The following PFKP variants were observed in gnomAD, a reference collection of about 807,000 sequenced individuals.
PFKP encodes the protein phosphofructokinase, platelet.
PFKP carries 101 observed loss-of-function variants against 94.3 expected under a neutral mutation model. The ratio of observed to expected loss-of-function variants is 1.07; its 90% confidence interval spans 0.91 to 1.26. The LOEUF is 1.26. Ranked by LOEUF, PFKP falls within the 50% of genes most tolerant of loss-of-function variation. PFKP has a pLI of 0.00. For synonymous variants in PFKP, 573 were observed against 432.6 expected (o/e 1.32, Z -4.03); for missense variants, 1,145 against 1,103.3 (o/e 1.04, Z -0.53).
intron 13 of PFKP, among the ~76,000 whole-genome samples, chr10:3,115,365 GTGTGTCCCGCAGCT>G: frequency 1.2e-5 from 1 of 85,492 alleles, no homozygotes; most frequent in Admixed American, 1.1e-4. Flanking sequence ...GAGTGAAGGT[GTGTGTCCCGCAGCT>G]GAGAACAGGA....
At chr10:3,119,781 C>CATTAAAA in intron 15 of PFKP, 111 bp from the exon 16 acceptor site, 1 of 709,478 alleles carries the variant, frequency 1.4e-6, no homozygotes, top group East Asian at 2.9e-5. Flanking sequence ...CGTGATGCCC[C>CATTAAAA]AGTGTGCTCC....
At chr10:3,105,258 A>G (rs1835420822) in intron 6 of PFKP, 99 bp downstream of exon 6, 13 of 1,371,176 alleles carry the variant, frequency 9.5e-6, no homozygotes, top group Admixed American at 1.7e-5. Flanking sequence ...GCTCCCGTGG[A>G]AAGTCCTGAA....
intron 10 of PFKP, among the ~76,000 whole-genome samples, chr10:3,110,694 G>A (rs957908009): frequency 2.6e-5 from 4 of 152,154 alleles, no homozygotes; most frequent in African/African-American, 7.2e-5. Flanking sequence ...GTGAGTGTGT[G>A]CGCAGGCTTG....
At chr10:3,099,014 G>A (rs1188327398) in intron 2 of PFKP, among the ~76,000 whole-genome samples, 1 of 152,146 alleles carries the variant, frequency 6.6e-6, no homozygotes, top group Admixed American at 6.5e-5. Context: ...GGGAAACGCT[G>A]GGCCATAGGA....
rs775407615 is a variant in PFKP at position 3,112,249 on chromosome 10, G to A, written c.1117G>A (p.Glu373Lys). The A allele has an allele frequency of 7.4e-6, 12 of 1,613,742 alleles. No homozygotes were observed. In the South Asian group the frequency reaches 8.8e-5, roughly 12 times the overall value. ...TCAGGATGTGCAGAAGGCGATGGAC[G>A]AGAGGAGATTTCAAGATGCGGTTCG... ...MTQDVQKAMD[E>K]RRFQDAVRLR... Residue 373 changes from glutamate to lysine, a missense_variant, in exon 11 of 22, where the codon GAG (glutamate) becomes AAG (lysine). Glu to Lys is a moderately conservative substitution (Grantham distance 56). Coordinates refer to ENST00000381125, the MANE Select transcript of PFKP (RefSeq NM_002627.5).
At chr10:3,075,943 G>A (rs1460054120) in intron 1 of PFKP, among the ~76,000 whole-genome samples, 2 of 141,942 alleles carry the variant, frequency 1.4e-5, no homozygotes, top group African/African-American at 2.6e-5. Flanking sequence ...CCCGGGAAGC[G>A]GAGCTTGCAG....
At chr10:3,104,334 C>T (rs948378589) in intron 5 of PFKP, among the ~76,000 whole-genome samples, 2 of 152,198 alleles carry the variant, frequency 1.3e-5, no homozygotes, top group African/African-American at 2.4e-5. Context: ...CACGAAGTGT[C>T]GTGGGGGCCA....
chr10:3,108,650 C>A (rs1420433101), intron 8 of PFKP, 51 bp from the exon 9 acceptor site: 2 of 1,367,380 alleles, frequency 1.5e-6, no homozygotes, highest in Admixed American at 1.7e-5. Context: ...CAGATCTGGG[C>A]TGCTGTGTCC....
chr10:3,103,770 C>T lies in PFKP; in HGVS notation c.455-9C>T, dbSNP rs1250266367. 2.5e-6 allele frequency: 4 copies of T among 1,613,718 alleles called. No individual in the cohort carries two copies. The highest frequency in any genetic ancestry group is 3.3e-5 in the Admixed American group (2 of 60,030). On this transcript the variant is annotated splice_polypyrimidine_tract_variant and intron_variant, in intron 4 of 21. Transcript: ENST00000381125. ...CGGCGATGAGACGTGCTGTTTGCTCCCCGCGCAGGCCAGATCGATAAGGAG... is the reference window on the plus strand; with the variant it reads ...CGGCGATGAGACGTGCTGTTTGCTCTCCGCGCAGGCCAGATCGATAAGGAG...
chr10:3,082,018 A>G (rs1285876827), intron 1 of PFKP, among the ~76,000 whole-genome samples: 2 of 93,254 alleles, frequency 2.1e-5, no homozygotes, highest in African/African-American at 4.4e-5. Flanking sequence ...TTACAGTGGT[A>G]GTTGGTGATG....
chr10:3,110,365 A>ATTTTTTTTTTTTTT (rs57980780), intron 10 of PFKP, among the ~76,000 whole-genome samples: 46 of 92,562 alleles, frequency 5.0e-4, no homozygotes, highest in Admixed American at 6.6e-4. Context: ...CGCCTGGCTA[A>ATTTTTTTTTTTTTT]TTTTTTTTTT....
chr10:3,070,199 C>T (rs1183595548), intron 1 of PFKP: 2 of 152,246 alleles, frequency 1.3e-5, no homozygotes, highest in Admixed American at 6.5e-5. Context: ...CTTTACCCTT[C>T]GGTGATACGA....
chr10:3,123,285 C>T (rs749339833), intron 16 of PFKP, among the ~76,000 whole-genome samples: 3 of 152,178 alleles, frequency 2.0e-5, no homozygotes, highest in South Asian at 4.1e-4. Context: ...GCCACGCTGC[C>T]GTCAGCTGCC....
chr10:3,136,492 C>T lies in PFKP; in HGVS notation c.2268C>T (p.Pro756=). The stretch of plus-strand genomic sequence containing the variant: ...AACAGTGGTGGCTCAAGCTACGGCC[C>T]CTCATGAAAATCCTGGCCAAGTACA... ...PKEQWWLKLR[P]LMKILAKYKA... The change falls in exon 22 of 22, where the codon CCC becomes CCT. Residue 756 remains proline, a synonymous_variant. Transcript: ENST00000381125. 6.2e-7 allele frequency: 1 copy of T among 1,613,688 alleles called. No individual in the cohort carries two copies. The highest frequency in any genetic ancestry group is 1.1e-5 in the South Asian group (1 of 91,026).
At chr10:3,135,591 G>A (rs112190268) in intron 20 of PFKP, 145 bp from the exon 21 acceptor site, 41 of 582,428 alleles carry the variant, frequency 7.0e-5, no homozygotes, top group Non-Finnish European at 9.6e-5. Flanking sequence ...GCCCCACTGC[G>A]CGGCTGTTCT....
At chr10:3,113,241 AT>A in intron 12 of PFKP, 53 bp downstream of exon 12, 1 of 1,586,068 alleles carries the variant, frequency 6.3e-7, no homozygotes, top group Non-Finnish European at 8.6e-7. Context: ...GCCTCCCCTC[AT>A]GGCCTCTGCC....
Position 3,067,680 on chromosome 10 carries a change from G to A in PFKP, c.85G>A (p.Val29Met). ...CTCCGGGGCCGGCAAGGCCATCGGC[G>A]TGCTGACCAGCGGCGGGGATGCTCA... Reference protein sequence around the residue: ...HLSGAGKAIGVLTSGGDAQGM... With the variant: ...HLSGAGKAIGMLTSGGDAQGM... The change falls in exon 1 of 22, where the codon GTG (valine) becomes ATG (methionine). Residue 29 changes from valine (V) to methionine (M), a missense_variant. Transcript: ENST00000381125. 2.0e-6 allele frequency: 3 copies of A among 1,526,276 alleles called. No individual in the cohort carries two copies. The highest frequency in any genetic ancestry group is 1.2e-5 in the South Asian group (1 of 82,444). The allele number at this position is 1,526,276 out of a possible 1,614,324, so 94.5% of individuals were successfully genotyped here. A position where few individuals can be genotyped will look rare whatever the true frequency, so the allele number is the denominator to read the frequency against.
rs1554773392 is a variant in PFKP at position 3,116,101 on chromosome 10, G to GGA, written c.1372-675_1372-674insGA. Reference sequence around the variant, plus strand: ...TTGCCTTCAAAACTGATTTATGTGGGAAAAAAAAGCCTGATTTATATGGTT... The same window carrying GGA: ...TTGCCTTCAAAACTGATTTATGTGGGGAAAAAAAAAGCCTGATTTATATGGTT... On this transcript the variant is annotated intron_variant, in intron 13 of 21. Transcript: ENST00000381125. Among the ~76,000 whole-genome samples, 27 of 151,040 alleles carry GGA rather than the reference G, an allele frequency of 1.8e-4. No individual in the cohort carries two copies. The East Asian group carries it at 2.7e-3, about 15-fold the overall frequency.
intron 1 of PFKP, among the ~76,000 whole-genome samples, chr10:3,075,006 A>T (rs1341468796): frequency 6.6e-6 from 1 of 152,208 alleles, no homozygotes; most frequent in Non-Finnish European, 1.5e-5. Context: ...GTTTCTACAG[A>T]TATCAAATTA....
Sources: allele counts gnomAD v4.1 joint callset (sites outside exome capture counted in the v4.1 genomes callset), GRCh38; gene constraint gnomAD v4.1.1; transcripts MANE v1.5; gene names NCBI Gene and HGNC (gene_info 2026-07-23, HGNC 2026-07-21).